The following NRF1 variants were observed in gnomAD, a reference collection of about 807,000 sequenced individuals.
NRF1 encodes the protein nuclear respiratory factor 1.
Under a neutral mutation model 58.5 loss-of-function variants are expected in NRF1, and 5 were observed. That is an observed-to-expected ratio of 0.09 (90% CI 0.04 to 0.18). The LOEUF (loss-of-function observed/expected upper bound fraction) is 0.18, where lower values mean the gene tolerates loss of function less well. NRF1 is among the 10% of genes least tolerant of loss of function. The probability of loss-of-function intolerance (pLI) is 1.00; values close to 1 mark genes in which losing one functional copy is unlikely to be tolerated. For synonymous variants in NRF1, 224 were observed against 246.7 expected, an observed-to-expected ratio of 0.91 and a Z score of 0.86; for missense variants, 288 against 657.7, an observed-to-expected ratio of 0.44 and a Z score of 6.15.
At chr7:129,686,219 G>A (rs990990472) in intron 4 of NRF1, among the ~76,000 whole-genome samples, 1 of 152,082 alleles carries the variant, frequency 6.6e-6, no homozygotes, top group Non-Finnish European at 1.5e-5. Flanking sequence ...AAGTTGCTCA[G>A]TATAGGACTC....
chr7:129,721,503 A>G (rs1184812041), intron 9 of NRF1, among the ~76,000 whole-genome samples: 1 of 146,106 alleles, frequency 6.8e-6, no homozygotes, highest in Non-Finnish European at 1.5e-5. Context: ...TTTTATTGAG[A>G]CAGAGTCTTG....
intron 10 of NRF1, among the ~76,000 whole-genome samples, chr7:129,728,157 T>A (rs904319883): frequency 5.3e-5 from 8 of 152,290 alleles, no homozygotes; most frequent in Admixed American, 1.3e-4. Flanking sequence ...GTTATATTTT[T>A]AAATAATATA....
chr7:129,653,263 T>C (rs1801577705), intron 1 of NRF1, among the ~76,000 whole-genome samples: 1 of 152,372 alleles, frequency 6.6e-6, no homozygotes, highest in South Asian at 2.1e-4. Flanking sequence ...ATTTCCTTTT[T>C]TTAAAAATTG....
At position 129,755,083 on chromosome 7, in the gene NRF1, C is replaced by G. The variant is rs1438511698; in HGVS notation, c.1414C>G (p.Pro472Ala). Residue 472 changes from proline (P) to alanine (A), a missense_variant, in exon 11 of 11, where the codon CCA becomes GCA. Pro to Ala is a conservative substitution (Grantham distance 27). Around this residue, in one of 3 missense-constraint regions of NRF1, gnomAD observed 212 missense variants for 559.7 expected, o/e 0.38. Transcript: ENST00000393232. The surrounding 1 kb of genome is among the most constrained non-coding windows in gnomAD (Gnocchi z 5.8). Reference protein sequence around the residue: ...VVTSLAQGNGPVQVAMAPVTT... With the variant: ...VVTSLAQGNGAVQVAMAPVTT... ...GACCAGCCTCGCCCAGGGCAACGGA[C>G]CAGTGCAGGTGGCCATGGCCCCTGT... 6.2e-7 allele frequency: 1 copy of G among 1,613,872 alleles called. No homozygotes were observed. The highest frequency in any genetic ancestry group is 2.2e-5 in the East Asian group (1 of 44,828).
At chr7:129,616,838 G>A (rs890589006) in intron 1 of NRF1, among the ~76,000 whole-genome samples, 1 of 152,198 alleles carries the variant, frequency 6.6e-6, no homozygotes, top group Non-Finnish European at 1.5e-5. Context: ...GGAGAAGTGT[G>A]TGTGTGTTGG....
intron 5 of NRF1, among the ~76,000 whole-genome samples, chr7:129,694,032 C>T (rs1254287603): frequency 6.6e-6 from 1 of 152,182 alleles, no homozygotes; most frequent in East Asian, 1.9e-4. Context: ...CAAAACCACA[C>T]TCAGTAGAGC....
At chr7:129,647,099 G>A (rs117806069) in intron 1 of NRF1, among the ~76,000 whole-genome samples, 2,980 of 152,144 alleles carry the variant, frequency 0.02, 39 homozygotes, top group South Asian at 0.037. Context: ...ATGCAGTGGC[G>A]CGATCTTGGC....
chr7:129,640,362 T>C (rs978006845), intron 1 of NRF1, among the ~76,000 whole-genome samples: 2 of 151,926 alleles, frequency 1.3e-5, no homozygotes, highest in African/African-American at 2.4e-5. Context: ...CAAAAAAATT[T>C]TTTTAATTAG....
intron 5 of NRF1, among the ~76,000 whole-genome samples, chr7:129,699,975 T>A (rs1177136032): frequency 4.9e-5 from 7 of 143,088 alleles, no homozygotes; most frequent in East Asian, 2.1e-4. Flanking sequence ...CCGTCTCCAC[T>A]AAAAAAAAAA....
chr7:129,639,374 T>G (rs1801239187), intron 1 of NRF1, among the ~76,000 whole-genome samples: 1 of 152,184 alleles, frequency 6.6e-6, no homozygotes, highest in Non-Finnish European at 1.5e-5. Context: ...CAGTTTTACA[T>G]TTTGTTGTTT....
chr7:129,691,629 A>G (rs1802571363), intron 5 of NRF1, among the ~76,000 whole-genome samples: 1 of 152,094 alleles, frequency 6.6e-6, no homozygotes, highest in African/African-American at 2.4e-5. Flanking sequence ...TGCTGGGATT[A>G]CAGGCGTGAG....
chr7:129,723,724 G>A (rs910842451), intron 9 of NRF1, among the ~76,000 whole-genome samples: 4 of 152,140 alleles, frequency 2.6e-5, no homozygotes, highest in African/African-American at 9.7e-5. Flanking sequence ...GACCATATAG[G>A]TGAAGGTTTA....
intron 5 of NRF1, among the ~76,000 whole-genome samples, chr7:129,694,621 G>GCCT (rs1305876329): frequency 6.6e-6 from 1 of 152,152 alleles, no homozygotes; most frequent in Non-Finnish European, 1.5e-5. Flanking sequence ...TCCCATCTTG[G>GCCT]CCTCCCAAAG....
At chr7:129,629,814 T>C (rs147009490) in intron 1 of NRF1, among the ~76,000 whole-genome samples, 189 of 152,340 alleles carry the variant, frequency 1.2e-3, no homozygotes, top group African/African-American at 4.1e-3. Context: ...GTGAAAGATA[T>C]AATGGCTACT....
intron 9 of NRF1, among the ~76,000 whole-genome samples, chr7:129,719,226 G>A (rs538100322): frequency 6.6e-6 from 1 of 151,792 alleles, no homozygotes; most frequent in Admixed American, 6.6e-5. Flanking sequence ...TCCGCCTGCC[G>A]GGTTCAAGTG....
chr7:129,693,031 A>C (rs1802607011), intron 5 of NRF1, among the ~76,000 whole-genome samples: 1 of 152,104 alleles, frequency 6.6e-6, no homozygotes, highest in Admixed American at 6.5e-5. Context: ...TTGTATACTT[A>C]TTTGTGGTCT....
rs781700327 is a variant in NRF1, at chr7:129,727,262, C to T, written c.1245C>T (p.Val415=). 19 of 1,600,162 alleles carry T rather than the reference C, an allele frequency of 1.2e-5. No homozygotes were observed. Among genetic ancestry groups the T allele is most frequent in the Middle Eastern group, 1.7e-4 (1 of 6,036 alleles). Residue 415 remains valine (V), a synonymous_variant, in exon 10 of 11, where the codon GTC becomes GTT. Transcript: ENST00000393232. ...GCAGCGAAGCTGCCGCCCATGCTGT[C>T]GCCACCCTGGCTGAGGCCACCTTAC... ...ALNSEAAAHA[V]ATLAEATLQG...
At chr7:129,642,282 C>A (rs1801308989) in intron 1 of NRF1, among the ~76,000 whole-genome samples, 3 of 152,242 alleles carry the variant, frequency 2.0e-5, no homozygotes, top group South Asian at 4.1e-4. Flanking sequence ...CCGCGCCCAG[C>A]CAAGACTCAG....
intron 4 of NRF1, among the ~76,000 whole-genome samples, chr7:129,689,799 C>T (rs1802523163): frequency 6.6e-6 from 1 of 152,200 alleles, no homozygotes; most frequent in South Asian, 2.1e-4. Flanking sequence ...GAGATTTGAC[C>T]TATGGGGCTC....
Sources: gnomAD v4.1 joint callset for allele counts (sites outside exome capture counted in the v4.1 genomes callset) on GRCh38, gnomAD v4.1.1 for gene constraint, gnomAD v4.1.1 regional missense constraint, Gnocchi (gnomAD v3.1) non-coding constraint, MANE v1.5 for transcripts, NCBI Gene and HGNC (gene_info 2026-07-23, HGNC 2026-07-21) for gene names.